Variants in CPA3 observed in about 807,000 individuals in gnomAD.
CPA3 encodes the protein carboxypeptidase A3.
Under a neutral mutation model 55.8 loss-of-function variants are expected in CPA3, and 52 were observed. That is an observed-to-expected ratio of 0.93 (90% confidence interval 0.75 to 1.17). CPA3 has a LOEUF of 1.17. Ranked by LOEUF, CPA3 falls within the 50% of genes most tolerant of loss-of-function variation. CPA3 has a pLI of 0.00. For missense variants in CPA3, 547 were observed against 509.1 expected (o/e 1.07, Z -0.72); for synonymous variants, 179 against 171.2 (o/e 1.05, Z -0.36).
At chr3:148,874,577 A>G (rs1441402312) in intron 3 of CPA3, among the ~76,000 whole-genome samples, 1 of 152,216 alleles carries the variant, frequency 6.6e-6, no homozygotes, top group Admixed American at 6.5e-5. Flanking sequence ...AGTCAAAAGC[A>G]AAGCATACAG....
intron 10 of CPA3, among the ~76,000 whole-genome samples, chr3:148,896,095 A>C (rs1714819376): frequency 6.6e-6 from 1 of 152,214 alleles, no homozygotes; most frequent in Non-Finnish European, 1.5e-5. Context: ...TAGCAACATG[A>C]AAAACAAGAG....
intron 3 of CPA3, among the ~76,000 whole-genome samples, chr3:148,873,594 C>T (rs1714130468): frequency 6.6e-6 from 1 of 152,202 alleles, no homozygotes; most frequent in South Asian, 2.1e-4. Flanking sequence ...GCCAACTGTG[C>T]ACCAACCTCC....
At chr3:148,884,946 G>A (rs1054848219) in intron 9 of CPA3, among the ~76,000 whole-genome samples, 1 of 151,804 alleles carries the variant, frequency 6.6e-6, no homozygotes, top group African/African-American at 2.4e-5. Flanking sequence ...TTATTTATTG[G>A]TTATATACGT....
intron 2 of CPA3, among the ~76,000 whole-genome samples, chr3:148,868,548 T>C (rs1257154466): frequency 6.6e-6 from 1 of 152,184 alleles, no homozygotes; most frequent in East Asian, 1.9e-4. Context: ...ACCAGATATT[T>C]AACTTAAATT....
intron 3 of CPA3, among the ~76,000 whole-genome samples, chr3:148,872,612 C>T (rs953193771): frequency 1.3e-5 from 2 of 152,154 alleles, no homozygotes; most frequent in Admixed American, 1.3e-4. Flanking sequence ...GATACAAATT[C>T]ATATTCCAGG....
intron 3 of CPA3, 54 bp from the exon 4 acceptor site, chr3:148,878,387 G>A: frequency 8.1e-7 from 1 of 1,238,336 alleles, no homozygotes. Context: ...AAAGATAACT[G>A]TGTTTTCCTT....
At chr3:148,886,355 T>C (rs1714527131) in intron 10 of CPA3, among the ~76,000 whole-genome samples, 178 bp downstream of exon 10, 1 of 152,194 alleles carries the variant, frequency 6.6e-6, no homozygotes, top group Non-Finnish European at 1.5e-5. Flanking sequence ...TGACCTTTTC[T>C]TGGGATAAGA....
intron 3 of CPA3, among the ~76,000 whole-genome samples, chr3:148,876,569 G>C (rs190267512): frequency 6.6e-6 from 1 of 152,144 alleles, no homozygotes; most frequent in East Asian, 1.9e-4. Context: ...TAGAGATGGG[G>C]TTTCACCATG....
intron 3 of CPA3, among the ~76,000 whole-genome samples, chr3:148,870,968 G>A (rs968079924): frequency 5.9e-5 from 9 of 152,060 alleles, no homozygotes; most frequent in Non-Finnish European, 1.2e-4. Flanking sequence ...GCGCAATCTG[G>A]GTTCACTGCA....
chr3:148,889,363 A>G (rs1249770664), intron 10 of CPA3, among the ~76,000 whole-genome samples: 1 of 152,160 alleles, frequency 6.6e-6, no homozygotes, highest in Admixed American at 6.5e-5. Context: ...CCTGTCTTCG[A>G]CTTGATGAAG....
intron 6 of CPA3, among the ~76,000 whole-genome samples, chr3:148,880,304 C>T (rs1714325089): frequency 6.6e-6 from 1 of 151,202 alleles, no homozygotes; most frequent in Admixed American, 6.6e-5. Context: ...ATTTAAGTTT[C>T]CTTTCTGAGT....
intron 10 of CPA3, among the ~76,000 whole-genome samples, chr3:148,887,319 C>T (rs1261278246): frequency 6.6e-6 from 1 of 152,168 alleles, no homozygotes; most frequent in Non-Finnish European, 1.5e-5. Flanking sequence ...ATACTTTATA[C>T]TAAATAATAT....
At chr3:148,873,056 A>T (rs926181501) in intron 3 of CPA3, among the ~76,000 whole-genome samples, 3 of 148,490 alleles carry the variant, frequency 2.0e-5, no homozygotes, top group East Asian at 2.0e-4. Context: ...ACACACACAC[A>T]CACACTCACA....
At chr3:148,879,095 T>C (rs768430524) in intron 5 of CPA3, among the ~76,000 whole-genome samples, 5 of 152,220 alleles carry the variant, frequency 3.3e-5, no homozygotes, top group Non-Finnish European at 7.3e-5. Flanking sequence ...GGAATTTAAA[T>C]ATCATAGCAT....
chr3:148,887,874 A>G (rs1714575551), intron 10 of CPA3, among the ~76,000 whole-genome samples: 2 of 152,208 alleles, frequency 1.3e-5, no homozygotes, highest in Admixed American at 1.3e-4. Context: ...AACTTGCTCA[A>G]TGATAATGGT....
rs780045131 is a variant in CPA3 at position 148,868,945 on chromosome 3, C to A, written c.175C>A (p.His59Asn). Residue 59 changes from histidine to asparagine, a missense_variant, in exon 3 of 11, where the codon CAC (histidine) becomes AAC (asparagine). His to Asn is a moderately conservative substitution (Grantham distance 68). Coordinates refer to ENST00000296046, the MANE Select transcript of CPA3 (RefSeq NM_001870.4). ...CTTCTGGTATCCAGGTGCCACCCAC[C>A]ACGTAGCTGCTAATATGATGGTGGA... The part of the protein sequence containing the change: ...LDFWYPGATH[H>N]VAANMMVDFR... 2 of 1,613,992 alleles carry A rather than the reference C, an allele frequency of 1.2e-6. No homozygotes were observed. The highest frequency in any genetic ancestry group is 2.2e-5 in the East Asian group (1 of 44,868).
intron 5 of CPA3, 148 bp downstream of exon 5, chr3:148,878,896 G>T: frequency 1.7e-6 from 1 of 578,060 alleles, no homozygotes; most frequent in Non-Finnish European, 3.0e-6. Flanking sequence ...TTAAAGAATA[G>T]AAATGACAAG....
chr3:148,865,566 T>G lies in CPA3; in HGVS notation c.144+18T>G. The stretch of plus-strand genomic sequence containing the variant: ...CCAATGAGGTAAGCATTTAGAGGGA[T>G]ATTTTATCTTTTCTTACTGTTCTCT... On this transcript the variant is annotated intron_variant, in intron 2 of 10. Coordinates refer to ENST00000296046, the MANE Select transcript of CPA3 (RefSeq NM_001870.4). 6.2e-7 allele frequency: 1 copy of G among 1,601,668 alleles called. No homozygotes were observed. Among genetic ancestry groups the G allele is most frequent in the Admixed American group, 1.7e-5 (1 of 59,422 alleles).
chr3:148,868,813 GC>G, intron 2 of CPA3, 101 bp from the exon 3 acceptor site: 2 of 1,320,544 alleles, frequency 1.5e-6, no homozygotes, highest in Non-Finnish European at 2.1e-6. Context: ...GTTATGCTGA[GC>G]CCCAAATTCC....
Sources: gnomAD v4.1 joint callset for allele counts (sites outside exome capture counted in the v4.1 genomes callset) on GRCh38, gnomAD v4.1.1 for gene constraint, MANE v1.5 for transcripts, NCBI Gene and HGNC (gene_info 2026-07-23, HGNC 2026-07-21) for gene names.